RNF150: variants seen among roughly 807,000 people sequenced by gnomAD.
RNF150 encodes the protein ring finger protein 150.
In RNF150, 24 loss-of-function variants were observed where a neutral mutation model predicts 39.3. That is an observed-to-expected ratio of 0.61 (90% confidence interval 0.44 to 0.86). The LOEUF (loss-of-function observed/expected upper bound fraction) is 0.86. Among genes scored for constraint, RNF150 ranks in the 40% least tolerant of loss-of-function variants. RNF150 has a pLI of 0.00. For synonymous variants in RNF150, 255 were observed against 227.3 expected (o/e 1.12, Z -1.10); for missense variants, 502 against 587.8 (o/e 0.85, Z 1.51).
chr4:141,082,521 A>T (rs1370920350), intron 1 of RNF150, among the ~76,000 whole-genome samples: 1 of 152,252 alleles, frequency 6.6e-6, no homozygotes, highest in Non-Finnish European at 1.5e-5. Context: ...TTTCTACCTC[A>T]GAGCAGGAAG....
At chr4:140,896,687 T>TAAAA (rs368166601) in intron 6 of RNF150, among the ~76,000 whole-genome samples, 35 of 79,288 alleles carry the variant, frequency 4.4e-4, no homozygotes, top group Admixed American at 1.1e-3. Context: ...TAGAGTATAA[T>TAAAA]AAAAAAAAAA....
intron 1 of RNF150, among the ~76,000 whole-genome samples, chr4:141,149,256 G>T (rs1727256291): frequency 6.6e-6 from 1 of 151,854 alleles, no homozygotes; most frequent in African/African-American, 2.4e-5. Flanking sequence ...TATTTCAATA[G>T]GTTTTTGGGG....
chr4:140,934,257 C>T (rs1375165229), intron 4 of RNF150, among the ~76,000 whole-genome samples: 1 of 152,278 alleles, frequency 6.6e-6, no homozygotes, highest in Admixed American at 6.5e-5. Context: ...TGATCCACCA[C>T]CGTGGCCTCC....
chr4:140,980,400 A>C (rs952810835), intron 1 of RNF150, among the ~76,000 whole-genome samples: 11 of 152,132 alleles, frequency 7.2e-5, no homozygotes, highest in African/African-American at 2.7e-4. Flanking sequence ...ATTAAAAAAC[A>C]ATCACAGTAT....
chr4:141,042,958 T>A (rs1385249254), intron 1 of RNF150, among the ~76,000 whole-genome samples: 1 of 152,122 alleles, frequency 6.6e-6, no homozygotes, highest in Non-Finnish European at 1.5e-5. Flanking sequence ...CTGCAATTAC[T>A]TTTACACCAA....
In RNF150 at chr4:140,917,508, A is replaced by C. The variant is rs1186783432; in HGVS notation, c.988-6154T>G. Among the ~76,000 whole-genome samples the C allele has an allele frequency of 2.0e-5, 3 of 152,150 alleles. No homozygotes were observed. In the South Asian group the frequency reaches 6.2e-4, roughly 32 times the overall value. On this transcript the variant is annotated intron_variant, in intron 5 of 6. Coordinates refer to ENST00000515673, the MANE Select transcript of RNF150 (RefSeq NM_020724.2). ...GAACTAACTAACCTAAATATATATG[A>C]ACCCAATACAGGAGCACCCAGATTC...
intron 1 of RNF150, among the ~76,000 whole-genome samples, chr4:141,083,085 G>C (rs11100703): frequency 0.16 from 24,518 of 152,064 alleles, 2,673 homozygotes; most frequent in East Asian, 0.52. Context: ...TGTATCCTAT[G>C]TTTTCTGACT....
At chr4:141,153,273 A>G (rs1035517162) in intron 1 of RNF150, among the ~76,000 whole-genome samples, 1 of 152,196 alleles carries the variant, frequency 6.6e-6, no homozygotes, top group East Asian at 1.9e-4. Flanking sequence ...CCAGTACCAC[A>G]GATGGTGACT....
At chr4:140,947,555 A>G (rs1732366329) in intron 4 of RNF150, 99 bp downstream of exon 4, 2 of 792,050 alleles carry the variant, frequency 2.5e-6, no homozygotes, top group East Asian at 2.5e-5. Flanking sequence ...AGGCAGACTG[A>G]CCTGGCAGCA....
intron 1 of RNF150, among the ~76,000 whole-genome samples, chr4:141,151,405 TACAGACACACAC>T (rs1225094444): frequency 1.3e-3 from 170 of 135,412 alleles, no homozygotes; most frequent in African/African-American, 4.7e-3. Flanking sequence ...ACCCCATCTC[TACAGACACACAC>T]ACACACACAC....
intron 1 of RNF150, among the ~76,000 whole-genome samples, chr4:141,065,009 G>A (rs1255613323): frequency 6.6e-6 from 1 of 152,172 alleles, no homozygotes; most frequent in Non-Finnish European, 1.5e-5. Context: ...GGGATCACAG[G>A]CATGTGCTAC....
chr4:140,967,662 G>A lies in RNF150; in HGVS notation c.696C>T (p.Ile232=), dbSNP rs1313240979. 1.9e-6 allele frequency: 3 copies of A among 1,612,952 alleles called. No homozygotes were observed. The highest frequency in any genetic ancestry group is 2.5e-6 in the Non-Finnish European group (3 of 1,179,372). Residue 232 remains isoleucine (I), a synonymous_variant, in exon 2 of 7, where the codon ATC becomes ATT. Coordinates refer to ENST00000515673, the MANE Select transcript of RNF150 (RefSeq NM_020724.2). ...TGGCATTTGCATATCGAAACCTCTG[G>A]ATGTAATAAAAGACGAGCCATGCGA... The part of the protein sequence containing the change: ...ISLAWLVFYY[I]QRFRYANARD...
At chr4:141,044,721 C>A (rs1255616280) in intron 1 of RNF150, among the ~76,000 whole-genome samples, 1 of 151,956 alleles carries the variant, frequency 6.6e-6, no homozygotes, top group Non-Finnish European at 1.5e-5. Flanking sequence ...GGACTAATGC[C>A]AATCCCTACA....
chr4:141,028,558 C>A (rs1020622938), intron 1 of RNF150, among the ~76,000 whole-genome samples: 3 of 152,202 alleles, frequency 2.0e-5, no homozygotes, highest in African/African-American at 7.2e-5. Flanking sequence ...ATTTTACTGT[C>A]AGTAGAGAAC....
chr4:140,899,294 A>G (rs1181745016), intron 6 of RNF150, among the ~76,000 whole-genome samples: 1 of 152,146 alleles, frequency 6.6e-6, no homozygotes, highest in African/African-American at 2.4e-5. Context: ...CAGCTTCCAG[A>G]TTTTCCAAAT....
intron 1 of RNF150, among the ~76,000 whole-genome samples, chr4:141,049,623 G>T (rs544987013): frequency 6.6e-6 from 1 of 152,232 alleles, no homozygotes; most frequent in East Asian, 1.9e-4. Flanking sequence ...AAAGTCTTCA[G>T]GGGGTGGTGG....
At chr4:141,125,631 T>G (rs1011433613) in intron 1 of RNF150, among the ~76,000 whole-genome samples, 2 of 152,200 alleles carry the variant, frequency 1.3e-5, no homozygotes, top group African/African-American at 4.8e-5. Context: ...ACAATAACGG[T>G]TAACTTTTCA....
Position 141,194,276 on chromosome 4 carries a change from A to G in RNF150, c.-6+18518T>C, listed in dbSNP as rs573177081. ...ACATTCAAAGTGTTGAAAGATAGCT[A>G]AAGTATTCTGGGGAAAATTAATTTT... On this transcript the variant is annotated intron_variant, in intron 1 of 7. Coordinates refer to the RNF150 transcript ENST00000420921. 7.2e-5 allele frequency among the ~76,000 whole-genome samples: 11 copies of G among 152,360 alleles called. No homozygotes were observed. In the South Asian group the frequency reaches 2.1e-3, roughly 29 times the overall value.
At chr4:140,998,952 C>T (rs1413447250) in intron 1 of RNF150, among the ~76,000 whole-genome samples, 1 of 152,178 alleles carries the variant, frequency 6.6e-6, no homozygotes, top group Non-Finnish European at 1.5e-5. Context: ...CTAGGAGTTC[C>T]CAATCAGTGA....
Sources: gnomAD v4.1 joint callset for allele counts (sites outside exome capture counted in the v4.1 genomes callset) on GRCh38, gnomAD v4.1.1 for gene constraint, MANE v1.5 for transcripts, NCBI Gene and HGNC (gene_info 2026-07-23, HGNC 2026-07-21) for gene names.